The following DPP10 variants were observed in gnomAD, a reference collection of about 807,000 sequenced individuals.
The protein encoded by DPP10 is inactive dipeptidyl peptidase 10.
In DPP10, 33 loss-of-function variants were observed where a neutral mutation model predicts 120.9. The ratio of observed to expected loss-of-function variants is 0.27; its 90% CI spans 0.21 to 0.37. The LOEUF (loss-of-function observed/expected upper bound fraction) is 0.37. Ranked by LOEUF, DPP10 falls within the 10% of genes least tolerant of loss-of-function variation. The pLI, the probability that DPP10 is intolerant of heterozygous loss-of-function variation, is 1.00. For synonymous variants in DPP10, 337 were observed against 326.1 expected, an observed-to-expected ratio of 1.03 and a Z score of -0.36; for missense variants, 816 against 942.8, an observed-to-expected ratio of 0.87 and a Z score of 1.76.
intron 3 of DPP10, among the ~76,000 whole-genome samples, chr2:115,433,363 ATTATC>A (rs976252727): frequency 1.1e-4 from 17 of 152,054 alleles, no homozygotes; most frequent in Admixed American, 7.9e-4. Flanking sequence ...ATTAATTTCT[ATTATC>A]TTAATAATTC....
In DPP10 at chr2:115,319,154, A is replaced by G. The variant is rs144891196; in HGVS notation, c.175+9801A>G. Among the ~76,000 whole-genome samples the G allele has an allele frequency of 4.3e-3, 651 of 152,196 alleles. 1 individual carries two copies. Among genetic ancestry groups the G allele is most frequent in the African/African-American group, 0.014 (576 of 41,570 alleles). ...AAATAGATTTTATCAATAAATTGAG[A>G]TGATCATTTGTTTTCCTCCCTTTTC... is the stretch of plus-strand genomic sequence containing the variant. On this transcript the variant is annotated intron_variant, in intron 2 of 25. Transcript: ENST00000410059.
chr2:115,646,250 T>G (rs2087246770), intron 5 of DPP10, among the ~76,000 whole-genome samples: 1 of 152,202 alleles, frequency 6.6e-6, no homozygotes, highest in Non-Finnish European at 1.5e-5. Context: ...GAGATCAGAC[T>G]GTCACATATT....
At chr2:115,382,107 C>G (rs1312149893) in intron 3 of DPP10, among the ~76,000 whole-genome samples, 1 of 152,186 alleles carries the variant, frequency 6.6e-6, no homozygotes, top group African/African-American at 2.4e-5. Flanking sequence ...TTCCCGGCTG[C>G]TTTGTTTACC....
intron 1 of DPP10, among the ~76,000 whole-genome samples, chr2:114,494,631 A>G (rs997273256): frequency 2.6e-5 from 4 of 152,160 alleles, no homozygotes; most frequent in Non-Finnish European, 4.4e-5. Context: ...CATTGTGCCT[A>G]TCTCTGTAAA....
chr2:114,526,681 T>C (rs1685527158), intron 1 of DPP10, among the ~76,000 whole-genome samples: 1 of 152,088 alleles, frequency 6.6e-6, no homozygotes, highest in Admixed American at 6.5e-5. Flanking sequence ...AAGTCTGTCT[T>C]CTTACTGTGT....
intron 1 of DPP10, among the ~76,000 whole-genome samples, chr2:115,071,299 C>G (rs1707348354): frequency 6.6e-6 from 1 of 152,100 alleles, no homozygotes. Flanking sequence ...ACGTCCCATG[C>G]AGTGTATGGT....
chr2:115,631,776 C>A (rs539764154), intron 5 of DPP10, among the ~76,000 whole-genome samples: 1 of 152,256 alleles, frequency 6.6e-6, no homozygotes, highest in Non-Finnish European at 1.5e-5. Context: ...GTCTGAGAGA[C>A]TGGTTGTTAT....
intron 11 of DPP10, among the ~76,000 whole-genome samples, chr2:115,756,119 G>A (rs1223740740): frequency 1.3e-5 from 2 of 151,902 alleles, no homozygotes; most frequent in African/African-American, 2.4e-5. Context: ...CGTCTATCTG[G>A]GGGATAAAAG....
chr2:115,694,568 A>G (rs961859758), intron 7 of DPP10, among the ~76,000 whole-genome samples: 1 of 152,208 alleles, frequency 6.6e-6, no homozygotes, highest in Non-Finnish European at 1.5e-5. Flanking sequence ...GTGGTGAGTG[A>G]ACCACTTTAG....
At chr2:115,234,864 A>G (rs1273568502) in intron 1 of DPP10, among the ~76,000 whole-genome samples, 3 of 152,086 alleles carry the variant, frequency 2.0e-5, no homozygotes, top group Non-Finnish European at 2.9e-5. Flanking sequence ...GGTCTTGTTT[A>G]TTCTAAAAGT....
intron 1 of DPP10, among the ~76,000 whole-genome samples, chr2:115,136,672 T>C (rs1273913846): frequency 2.6e-5 from 4 of 151,792 alleles, no homozygotes; most frequent in African/African-American, 9.7e-5. Context: ...AAAAAAACCA[T>C]AAAGCAGACA....
At chr2:114,965,559 T>G (rs1698949006) in intron 1 of DPP10, among the ~76,000 whole-genome samples, 1 of 152,060 alleles carries the variant, frequency 6.6e-6, no homozygotes, top group South Asian at 2.1e-4. Context: ...ATGTAGGCAT[T>G]GTTAGAGTAG....
chr2:115,670,088 A>G (rs1317180488), intron 5 of DPP10, among the ~76,000 whole-genome samples: 17 of 152,052 alleles, frequency 1.1e-4, no homozygotes, highest in Non-Finnish European at 2.2e-4. Flanking sequence ...TTTCAGATGC[A>G]GTCTTCTCAT....
In DPP10 at chr2:115,671,175, T is replaced by C. The variant is rs1010676338; in HGVS notation, c.442-18512T>C. On this transcript the variant is annotated intron_variant, in intron 5 of 25. Coordinates refer to ENST00000410059, the MANE Select transcript of DPP10 (RefSeq NM_020868.6). ...TATTTGAATTCTAAATGTTCTGTTT[T>C]ATCCAGTTTTTCTTTTTAAATTCAT... Among the ~76,000 whole-genome samples, 121 of 152,210 alleles carry C rather than the reference T, an allele frequency of 7.9e-4. 1 individual carries two copies. Among genetic ancestry groups the C allele is most frequent in the Middle Eastern group, 3.4e-3 (1 of 294 alleles).
chr2:115,838,231 G>A (rs1689734665), intron 24 of DPP10, among the ~76,000 whole-genome samples: 1 of 152,110 alleles, frequency 6.6e-6, no homozygotes, highest in Non-Finnish European at 1.5e-5. Context: ...ATGAAAGAGA[G>A]CGTAAAAATT....
At chr2:114,731,101 G>A (rs1292931148) in intron 1 of DPP10, among the ~76,000 whole-genome samples, 1 of 151,848 alleles carries the variant, frequency 6.6e-6, no homozygotes. Context: ...CTCCACTGTG[G>A]ATAGAGACCT....
rs1410199909 is a variant in DPP10 at position 115,844,634 on chromosome 2, C to T, written c.*2289C>T. The T allele has an allele frequency of 6.6e-6, 1 of 152,102 alleles. No individual in the cohort carries two copies. Among genetic ancestry groups the T allele is most frequent in the Non-Finnish European group, 1.5e-5 (1 of 68,008 alleles). The allele number at this position is 152,102 out of a possible 1,614,324, so 9.4% of individuals were successfully genotyped here. On this transcript the variant is annotated 3_prime_UTR_variant, in exon 26 of 26. Transcript: ENST00000410059. ...AGGAATCATGTGATTGGATTTTCCC[C>T]TGTATACATGTACCCTTGGTCATAA...
Position 115,055,696 on chromosome 2 carries a change from A to G in DPP10, c.61-253543A>G, listed in dbSNP as rs1202568078. Among the ~76,000 whole-genome samples the G allele has an allele frequency of 3.9e-5, 6 of 152,360 alleles. No homozygotes were observed. The East Asian group carries it at 1.2e-3, about 29-fold the overall frequency. On this transcript the variant is annotated intron_variant, in intron 1 of 25. Transcript: ENST00000410059. ...GAAGATGACTCATTGCAACACTGGT[A>G]GAACGGGCATCATTTGTCTGCCACC...
intron 1 of DPP10, among the ~76,000 whole-genome samples, chr2:115,259,690 T>A (rs67201082): frequency 6.6e-6 from 1 of 151,942 alleles, no homozygotes; most frequent in Non-Finnish European, 1.5e-5. Flanking sequence ...ATTGCTGCCC[T>A]ATGTACCTAG....
Sources: allele counts gnomAD v4.1 joint callset (sites outside exome capture counted in the v4.1 genomes callset), GRCh38; gene constraint gnomAD v4.1.1; transcripts MANE v1.5; gene names NCBI Gene and HGNC (gene_info 2026-07-23, HGNC 2026-07-21).